The following ARPP19 variants were observed in gnomAD, a reference collection of about 807,000 sequenced individuals.
ARPP19 encodes the protein cAMP regulated phosphoprotein 19, also known as cAMP-regulated phosphoprotein 19.
A neutral mutation model predicts 12.0 loss-of-function variants in ARPP19; 8 were observed. The observed-to-expected ratio is 0.67, with a 90% CI of 0.39 to 1.21. The LOEUF (loss-of-function observed/expected upper bound fraction) is 1.21. Ranked by LOEUF, ARPP19 falls within the 50% of genes most tolerant of loss-of-function variation. The probability of loss-of-function intolerance (pLI) is 0.01; values close to 1 mark genes in which losing one functional copy is unlikely to be tolerated. For synonymous variants in ARPP19, 47 were observed against 50.4 expected, an observed-to-expected ratio of 0.93 and a Z score of 0.29; for missense variants, 102 against 136.3, an observed-to-expected ratio of 0.75 and a Z score of 1.25.
intron 1 of ARPP19, among the ~76,000 whole-genome samples, chr15:52,565,712 A>T (rs893729773): frequency 5.3e-5 from 8 of 152,216 alleles, no homozygotes; most frequent in Admixed American, 2.0e-4. Context: ...GGGAGTGTTT[A>T]CTTGACAAAC....
intron 1 of ARPP19, among the ~76,000 whole-genome samples, chr15:52,563,540 C>T (rs1226669975): frequency 6.6e-6 from 1 of 152,124 alleles, no homozygotes; most frequent in African/African-American, 2.4e-5. Context: ...ATCAGAAATC[C>T]TTTCTGTGAA....
chr15:52,566,316 G>A (rs2078081684), intron 1 of ARPP19, among the ~76,000 whole-genome samples: 1 of 151,924 alleles, frequency 6.6e-6, no homozygotes, highest in African/African-American at 2.4e-5. Flanking sequence ...GGGCCACCAT[G>A]CCTGGCTAGT....
At chr15:52,564,444 T>C (rs1388920298) in intron 1 of ARPP19, among the ~76,000 whole-genome samples, 1 of 152,224 alleles carries the variant, frequency 6.6e-6, no homozygotes, top group Non-Finnish European at 1.5e-5. Flanking sequence ...AGCCTTTAGG[T>C]AACCAAAAGT....
chr15:52,556,964 C>A, intron 2 of ARPP19, 136 bp downstream of exon 2: 1 of 854,472 alleles, frequency 1.2e-6, no homozygotes, highest in Non-Finnish European at 1.7e-6. Context: ...TTGGAAAAAC[C>A]CATTACAGAT....
At chr15:52,566,250 C>T (rs750404511) in intron 1 of ARPP19, among the ~76,000 whole-genome samples, 5 of 152,148 alleles carry the variant, frequency 3.3e-5, no homozygotes, top group Non-Finnish European at 5.9e-5. Flanking sequence ...CCTCTGCCTC[C>T]TGGGTTCAAG....
At chr15:52,559,290 G>GT (rs1262782089) in intron 1 of ARPP19, among the ~76,000 whole-genome samples, 1 of 152,126 alleles carries the variant, frequency 6.6e-6, no homozygotes, top group East Asian at 1.9e-4. Context: ...CTCCAGAGAG[G>GT]TAAGTGTGAG....
At chr15:52,552,222 T>G (rs1008473308) in intron 2 of ARPP19, 118 bp from the exon 3 acceptor site, 1 of 640,186 alleles carries the variant, frequency 1.6e-6, no homozygotes, top group Admixed American at 2.6e-5. Flanking sequence ...ACAGGAATAT[T>G]AATTAGATGA....
At chr15:52,556,857 T>C in intron 2 of ARPP19, 1 of 368,752 alleles carries the variant, frequency 2.7e-6, no homozygotes, top group South Asian at 6.1e-5. Context: ...TGGGTTCTGT[T>C]ATATCTGCAC....
In ARPP19 at chr15:52,559,755, T is replaced by G. The variant is rs1055012711; in HGVS notation, c.46-2533A>C. On this transcript the variant is annotated intron_variant, in intron 1 of 2. Transcript: ENST00000249822. Reference sequence around the variant, plus strand: ...AGCTTCGATGTGGCTCAGCCCTCACTGCAGATATCTACTGCAGCCCAAGGG... The same window carrying G: ...AGCTTCGATGTGGCTCAGCCCTCACGGCAGATATCTACTGCAGCCCAAGGG... 8.5e-5 allele frequency among the ~76,000 whole-genome samples: 13 copies of G among 152,338 alleles called. No individual in the cohort carries two copies. The East Asian group carries it at 2.3e-3, about 27-fold the overall frequency.
chr15:52,563,498 G>A (rs1340442114), intron 1 of ARPP19, among the ~76,000 whole-genome samples: 6 of 152,160 alleles, frequency 3.9e-5, no homozygotes, highest in African/African-American at 9.7e-5. Context: ...GTCTCGGCAT[G>A]TGCATTTTTG....
At position 52,557,227 on chromosome 15, in the gene ARPP19, A is replaced by G; in HGVS notation, c.46-5T>C. On this transcript the variant is annotated splice_polypyrimidine_tract_variant and splice_region_variant and intron_variant, in intron 1 of 2. Transcript: ENST00000249822. ...AGTCACTTTATCTTCCATTTCCTAAAATAATTTCAAATAAATTACTTCTCT... is the reference window on the plus strand; with the variant it reads ...AGTCACTTTATCTTCCATTTCCTAAGATAATTTCAAATAAATTACTTCTCT... 1.9e-6 allele frequency: 3 copies of G among 1,576,004 alleles called. No homozygotes were observed. Among genetic ancestry groups the G allele is most frequent in the African/African-American group, 1.4e-5 (1 of 73,602 alleles).
At chr15:52,552,188 T>C (rs1408856134) in intron 2 of ARPP19, 84 bp from the exon 3 acceptor site, 2 of 761,252 alleles carry the variant, frequency 2.6e-6, no homozygotes, top group Non-Finnish European at 4.5e-6. Context: ...ACTGTCCGTA[T>C]AAGGTTGGTC....
intron 1 of ARPP19, among the ~76,000 whole-genome samples, chr15:52,564,861 T>C (rs746049321): frequency 6.6e-6 from 1 of 152,226 alleles, no homozygotes; most frequent in African/African-American, 2.4e-5. Flanking sequence ...GGTACTAGCA[T>C]TGTCATTTGT....
At chr15:52,566,052 C>T (rs2078078876) in intron 1 of ARPP19, among the ~76,000 whole-genome samples, 2 of 152,276 alleles carry the variant, frequency 1.3e-5, no homozygotes, top group South Asian at 4.1e-4. Context: ...GAGGGGGTTT[C>T]CCCATATTGG....
At chr15:52,569,055 C>G (rs558779824), upstream of ARPP19, 1 of 592,724 alleles carries the variant, frequency 1.7e-6, no homozygotes, top group East Asian at 3.5e-5. Context: ...AAACGCTCCG[C>G]TGGCCAAGGC....
chr15:52,567,474 A>G (rs898355244), intron 1 of ARPP19, among the ~76,000 whole-genome samples: 3 of 152,184 alleles, frequency 2.0e-5, no homozygotes, highest in Non-Finnish European at 2.9e-5. Flanking sequence ...AAGGCAAACC[A>G]CCACAGACAG....
At chr15:52,565,554 A>C (rs1254585121) in intron 1 of ARPP19, among the ~76,000 whole-genome samples, 1 of 152,160 alleles carries the variant, frequency 6.6e-6, no homozygotes, top group Non-Finnish European at 1.5e-5. Flanking sequence ...GCTTTCTTTG[A>C]CAAAGACTCA....
At position 52,564,948 on chromosome 15, in the gene ARPP19, T is replaced by C. The variant is rs566940264; in HGVS notation, c.45+3900A>G. ...CCATTCAACCATTTTGTAAATAATG[T>C]CAAGCACAATGTTGAGTGCTGTGAG... On this transcript the variant is annotated intron_variant, in intron 1 of 2. Coordinates refer to ENST00000249822, the MANE Select transcript of ARPP19 (RefSeq NM_006628.6). Among the ~76,000 whole-genome samples, 4 of 152,110 alleles carry C rather than the reference T, an allele frequency of 2.6e-5. No homozygotes were observed. The South Asian group carries it at 8.3e-4, about 32-fold the overall frequency.
intron 2 of ARPP19, 35 bp downstream of exon 2, chr15:52,557,065 G>T: frequency 6.2e-7 from 1 of 1,607,066 alleles, no homozygotes; most frequent in South Asian, 1.1e-5. Flanking sequence ...AGTTTGTAGG[G>T]CTTAAGTATT....
Sources: allele counts gnomAD v4.1 joint callset (sites outside exome capture counted in the v4.1 genomes callset), GRCh38; gene constraint gnomAD v4.1.1; transcripts MANE v1.5; gene names NCBI Gene and HGNC (gene_info 2026-07-23, HGNC 2026-07-21).